Variants in HERC1 observed in about 807,000 individuals in gnomAD.
HERC1 encodes HECT and RLD domain containing E3 ubiquitin protein ligase family member 1.
A neutral mutation model predicts 554.3 loss-of-function variants in HERC1; 160 were observed. The ratio of observed to expected loss-of-function variants is 0.29; its 90% CI spans 0.25 to 0.33. HERC1 has a LOEUF of 0.33. Ranked by LOEUF, HERC1 falls within the 10% of genes least tolerant of loss-of-function variation. HERC1 has a pLI of 1.00. For synonymous variants in HERC1, 2,175 were observed against 2,131.7 expected, an observed-to-expected ratio of 1.02 and a Z score of -0.56; for missense variants, 4,919 against 5,918.5, an observed-to-expected ratio of 0.83 and a Z score of 5.54.
intron 24 of HERC1, 69 bp downstream of exon 24, chr15:63,712,706 A>G: frequency 6.9e-7 from 1 of 1,442,680 alleles, no homozygotes; most frequent in Non-Finnish European, 9.5e-7. Context: ...TACTTACTCT[A>G]ACCAAAGCCT....
In HERC1 at chr15:63,829,479, A is replaced by AAT. The variant is rs759570400; in HGVS notation, c.-27+4346_-27+4347dup. The stretch of plus-strand genomic sequence containing the variant: ...GTGTGTGCACATATATGTTTATATA[A>AAT]ATATATATATATATATATATACACA... On this transcript the variant is annotated intron_variant, in intron 1 of 77. Coordinates refer to ENST00000443617, the MANE Select transcript of HERC1 (RefSeq NM_003922.4). Among the ~76,000 whole-genome samples, 340 of 87,600 alleles carry AAT rather than the reference A, an allele frequency of 3.9e-3. 5 individuals are homozygous for AAT. Among genetic ancestry groups the AAT allele is most frequent in the East Asian group, 0.026 (111 of 4,216 alleles). The allele number at this position is 87,600 out of a possible 152,430, so 57.5% of individuals were successfully genotyped here.
Position 63,640,314 on chromosome 15 carries a change from G to C in HERC1, c.11739C>G (p.Leu3913=), listed in dbSNP as rs2228517. 801,170 of 1,613,274 alleles carry C rather than the reference G, an allele frequency of 0.5. 208,650 individuals carry two copies. Among genetic ancestry groups the C allele is most frequent in the Non-Finnish European group, 0.55 (646,120 of 1,179,470 alleles). Residue 3913 remains leucine, a synonymous_variant, in exon 61 of 78, where the codon CTC becomes CTG. Coordinates refer to ENST00000443617, the MANE Select transcript of HERC1 (RefSeq NM_003922.4). ...PPVPPHHQNC[L]PDPASWNPNE... is the part of the protein sequence containing the mutation. ...TTGGATTCCAGGATGCAGGGTCAGG[G>C]AGACAGTTCTGGTGGTGTGGTGGCA...
At chr15:63,639,968 CTG>C (rs1281878962) in intron 61 of HERC1, among the ~76,000 whole-genome samples, 182 bp downstream of exon 61, 7 of 149,520 alleles carry the variant, frequency 4.7e-5, no homozygotes, top group African/African-American at 1.7e-4. Flanking sequence ...TTATCAATTC[CTG>C]TCACTATGGA....
At chr15:63,793,041 C>T (rs2076699166) in intron 1 of HERC1, among the ~76,000 whole-genome samples, 1 of 152,194 alleles carries the variant, frequency 6.6e-6, no homozygotes, top group African/African-American at 2.4e-5. Context: ...TATCAATGAA[C>T]ACCAGATGAA....
rs2073647914 is a variant in HERC1, at chr15:63,718,111, C to CAT, written c.3978+462_3978+463insAT. On this transcript the variant is annotated intron_variant, in intron 21 of 77. Transcript: ENST00000443617. The surrounding 1 kb of genome is among the most constrained non-coding windows in gnomAD (Gnocchi z 4.2). ...ACACACACACACACACACACACACA[C>CAT]ACACACACACACAACCCCCTCCTTG... is the stretch of plus-strand genomic sequence containing the variant. 7.5e-6 allele frequency among the ~76,000 whole-genome samples: 1 copy of CAT among 133,636 alleles called. No individual in the cohort carries two copies. The highest frequency in any genetic ancestry group is 1.6e-5 in the Non-Finnish European group (1 of 61,648). 87.7% of individuals were successfully genotyped at this position (133,636 alleles called of 152,430 possible). A position where few individuals can be genotyped will look rare whatever the true frequency, so the allele number is the denominator to read the frequency against.
chr15:63,811,214 G>A (rs996546019), intron 1 of HERC1, among the ~76,000 whole-genome samples: 1 of 152,114 alleles, frequency 6.6e-6, no homozygotes, highest in Non-Finnish European at 1.5e-5. Flanking sequence ...ATTTTCCATC[G>A]GTGTGATAAA....
intron 66 of HERC1, 151 bp downstream of exon 66, chr15:63,634,582 G>C: frequency 1.2e-5 from 7 of 576,310 alleles, no homozygotes; most frequent in Non-Finnish European, 1.7e-5. Flanking sequence ...TTCACATTGG[G>C]AAACAGTTAA....
chr15:63,609,343 C>T (rs2067489454), intron 77 of HERC1, 77 bp from the exon 78 acceptor site: 1 of 1,282,156 alleles, frequency 7.8e-7, no homozygotes, highest in East Asian at 2.6e-5. Context: ...CATGACCTCT[C>T]CCTGCCTTCA....
At chr15:63,675,689 C>T (rs190170479) in intron 37 of HERC1, among the ~76,000 whole-genome samples, 4 of 152,144 alleles carry the variant, frequency 2.6e-5, no homozygotes, top group Admixed American at 2.6e-4. Context: ...ATAGTTTAAG[C>T]CAAAATATAA....
chr15:63,649,766 G>C lies in HERC1; in HGVS notation c.10706C>G (p.Thr3569Ser). The C allele has an allele frequency of 1.2e-6, 2 of 1,613,758 alleles. No individual in the cohort carries two copies. Among genetic ancestry groups the C allele is most frequent in the Non-Finnish European group, 1.7e-6 (2 of 1,179,806 alleles). Residue 3569 changes from threonine to serine, a missense_variant, in exon 54 of 78, where the codon ACC (threonine) becomes AGC (serine). Thr to Ser is a moderately conservative substitution (Grantham distance 58). Coordinates refer to ENST00000443617, the MANE Select transcript of HERC1 (RefSeq NM_003922.4). ...LGLIEVVDVS[T>S]MHRRELEHCY... ...ATGCTCCAATTCTCGACGGTGCATG[G>C]TGGACACATCAACAACTTCAATCAG...
At chr15:63,699,584 G>A (rs563667945) in intron 25 of HERC1, among the ~76,000 whole-genome samples, 1 of 152,306 alleles carries the variant, frequency 6.6e-6, no homozygotes, top group East Asian at 1.9e-4. Context: ...CACTGACTGT[G>A]TCATGTGCAT....
chr15:63,676,513 T>C (rs962520542), intron 37 of HERC1, among the ~76,000 whole-genome samples: 1 of 152,070 alleles, frequency 6.6e-6, no homozygotes, highest in African/African-American at 2.4e-5. Context: ...TCTCAGCACT[T>C]TGGGAGGCCG....
At chr15:63,753,365 T>A (rs1364288649) in intron 7 of HERC1, among the ~76,000 whole-genome samples, 1 of 152,172 alleles carries the variant, frequency 6.6e-6, no homozygotes, top group Non-Finnish European at 1.5e-5. Context: ...TCTGTCTTTC[T>A]CCCCCTTTAA....
intron 24 of HERC1, among the ~76,000 whole-genome samples, chr15:63,709,314 C>T (rs1292236720): frequency 6.6e-6 from 1 of 151,890 alleles, no homozygotes; most frequent in Non-Finnish European, 1.5e-5. Context: ...CTGGCCCAAT[C>T]TTTTTTAAAA....
At chr15:63,735,391 T>C (rs1385504266) in intron 12 of HERC1, among the ~76,000 whole-genome samples, 1 of 96,314 alleles carries the variant, frequency 1.0e-5, no homozygotes, top group Admixed American at 1.4e-4. Flanking sequence ...CCGGGGCCTG[T>C]TGTGGGGTGG....
At chr15:63,769,678 G>GC (rs1362018128) in intron 2 of HERC1, among the ~76,000 whole-genome samples, 1 of 151,686 alleles carries the variant, frequency 6.6e-6, no homozygotes, top group Non-Finnish European at 1.5e-5. Flanking sequence ...ACATGGTGAA[G>GC]CCCCATCTCT....
chr15:63,628,279 C>A (rs1187843157), intron 70 of HERC1, among the ~76,000 whole-genome samples: 1 of 152,208 alleles, frequency 6.6e-6, no homozygotes, highest in African/African-American at 2.4e-5. Flanking sequence ...GTAGTCCCAG[C>A]TACTTGGGAG....
At chr15:63,829,511 CAT>C (rs199643850) in intron 1 of HERC1, among the ~76,000 whole-genome samples, 26,866 of 107,228 alleles carry the variant, frequency 0.25, 4,094 homozygotes, top group Non-Finnish European at 0.31. Flanking sequence ...CACACACACA[CAT>C]ATATAAATAA....
At position 63,666,442 on chromosome 15, in the gene HERC1, G is replaced by C; in HGVS notation, c.8237C>G (p.Thr2746Ser). 1 of 1,613,524 alleles carries C rather than the reference G, an allele frequency of 6.2e-7. No homozygotes were observed. Among genetic ancestry groups the C allele is most frequent in the South Asian group, 1.1e-5 (1 of 91,006 alleles). The change falls in exon 41 of 78, where the codon ACT (threonine) becomes AGT (serine). Residue 2746 changes from threonine to serine, a missense_variant. By Grantham distance (58) the Thr-to-Ser change is moderately conservative. Transcript: ENST00000443617. ...ALSDPSSRLS[T>S]SPPPPAIAVP... is the part of the protein sequence containing the mutation. ...TGCAATTGCTGGAGGAGGAGGAGAA[G>C]TTGAAAGTCTACTGCTTGGGTCTGA...
Sources: allele counts gnomAD v4.1 joint callset (sites outside exome capture counted in the v4.1 genomes callset), GRCh38; gene constraint gnomAD v4.1.1; non-coding constraint Gnocchi (gnomAD v3.1); transcripts MANE v1.5; gene names NCBI Gene and HGNC (gene_info 2026-07-23, HGNC 2026-07-21).